CHRNA4: variants seen among roughly 807,000 people sequenced by gnomAD.
The protein encoded by CHRNA4 is cholinergic receptor nicotinic alpha 4 subunit, also known as neuronal acetylcholine receptor subunit alpha-4.
CHRNA4 carries 28 observed loss-of-function variants against 48.9 expected under a neutral mutation model. The ratio of observed to expected loss-of-function variants is 0.57; its 90% CI spans 0.42 to 0.79. The LOEUF is 0.79. Among genes scored for constraint, CHRNA4 ranks in the 30% least tolerant of loss-of-function variants. CHRNA4 has a pLI of 0.00. For missense variants in CHRNA4, 859 were observed against 898.4 expected (o/e 0.96, Z 0.56); for synonymous variants, 425 against 402.3 (o/e 1.06, Z -0.68).
intron 1 of CHRNA4, chr20:63,359,903 G>GTGTGTGTGTGTGTGCCGGGCGTGCGC (rs1555840803): frequency 0.15 from 66,141 of 434,546 alleles, 4,636 homozygotes; most frequent in East Asian, 0.32. Flanking sequence ...TGTGCTGTGT[G>GTGTGTGTGTGTGTGCCGGGCGTGCGC]TGTGTGTGTG....
chr20:63,352,527 G>A lies in CHRNA4; in HGVS notation c.384-1500C>T, dbSNP rs775424903. On this transcript the variant is annotated intron_variant, in intron 4 of 5. Coordinates refer to ENST00000370263, the MANE Select transcript of CHRNA4 (RefSeq NM_000744.7). ...TCCGGCCCAGCACAGCCTGGCTCCC[G>A]AGCGTCCCTCCAGCGGGGGGCGGGG... is the stretch of plus-strand genomic sequence containing the variant. Among the ~76,000 whole-genome samples, 19 of 152,288 alleles carry A rather than the reference G, an allele frequency of 1.2e-4. No homozygotes were observed. In the East Asian group the frequency reaches 2.9e-3, roughly 23 times the overall value.
Position 63,356,068 on chromosome 20 carries a change from T to C in CHRNA4, c.290A>G (p.Lys97Arg), listed in dbSNP as rs764421351. ...ATAGTCAGCTGGGTCCCAGCGCAGC[T>C]TGTAGTCGTGCCACTCCTGGATGAG... ...VWVKQEWHDYKLRWDPADYEN... is the reference protein window; with the variant it reads ...VWVKQEWHDYRLRWDPADYEN... The change falls in exon 4 of 6, where the codon AAG becomes AGG. Residue 97 changes from lysine to arginine, a missense_variant. Transcript: ENST00000370263. 1 of 1,596,276 alleles carries C rather than the reference T, an allele frequency of 6.3e-7. No homozygotes were observed. The highest frequency in any genetic ancestry group is 8.5e-7 in the Non-Finnish European group (1 of 1,174,330).
intron 5 of CHRNA4, among the ~76,000 whole-genome samples, chr20:63,349,133 C>T (rs1301772882): frequency 6.6e-6 from 1 of 152,158 alleles, no homozygotes; most frequent in Non-Finnish European, 1.5e-5. Context: ...GGAGCTGTGT[C>T]CCTGTCCCAG....
At chr20:63,360,586 G>A (rs929007464) in intron 1 of CHRNA4, among the ~76,000 whole-genome samples, 68 of 152,120 alleles carry the variant, frequency 4.5e-4, no homozygotes, top group African/African-American at 1.6e-3. Context: ...TCGGGGAGGG[G>A]GAGGGGTCAG....
At chr20:63,356,869 C>T (rs2068726059) in intron 2 of CHRNA4, among the ~76,000 whole-genome samples, 1 of 152,180 alleles carries the variant, frequency 6.6e-6, no homozygotes, top group Non-Finnish European at 1.5e-5. Context: ...GACTGTGCCT[C>T]ATGACCTGAG....
At chr20:63,358,586 T>C (rs1860152829) in intron 2 of CHRNA4, among the ~76,000 whole-genome samples, 1 of 152,178 alleles carries the variant, frequency 6.6e-6, no homozygotes, top group African/African-American at 2.4e-5. Context: ...GCTGGCGGAC[T>C]TCAGTGTGGA....
chr20:63,358,167 T>A (rs2145405856), intron 2 of CHRNA4, among the ~76,000 whole-genome samples: 1 of 152,244 alleles, frequency 6.6e-6, no homozygotes, highest in African/African-American at 2.4e-5. Context: ...TCCAGGACAC[T>A]GAGGCTGGAG....
At chr20:63,349,025 C>T (rs369932010) in intron 5 of CHRNA4, among the ~76,000 whole-genome samples, 15 of 152,218 alleles carry the variant, frequency 9.9e-5, no homozygotes, top group African/African-American at 2.4e-4. Context: ...GGGCTGGCCC[C>T]GGGCCCCGGG....
Position 63,344,221 on chromosome 20 carries a change from A to G in CHRNA4, c.*2517T>C, listed in dbSNP as rs201245835. ...AAGAAGCCAGACATCAAAGGCTCCAACTGCAGGATTCTGACTCCTCGAAGG... is the reference window on the plus strand; with the variant it reads ...AAGAAGCCAGACATCAAAGGCTCCAGCTGCAGGATTCTGACTCCTCGAAGG... On this transcript the variant is annotated 3_prime_UTR_variant, in exon 6 of 6. Transcript: ENST00000370263. The surrounding 1 kb of genome is among the most constrained non-coding windows in gnomAD (Gnocchi z 4.5). The G allele has an allele frequency of 7.0e-5, 32 of 453,908 alleles. No homozygotes were observed. Among genetic ancestry groups the G allele is most frequent in the South Asian group, 4.7e-4 (30 of 64,474 alleles). The allele number at this position is 453,908 out of a possible 1,614,324, so 28.1% of individuals were successfully genotyped here.
At chr20:63,348,993 G>A (rs2068539258) in intron 5 of CHRNA4, among the ~76,000 whole-genome samples, 1 of 152,190 alleles carries the variant, frequency 6.6e-6, no homozygotes, top group Non-Finnish European at 1.5e-5. Flanking sequence ...CCAGTGCCTG[G>A]CGCTGGAGGG....
chr20:63,357,148 G>A (rs2068733032), intron 2 of CHRNA4, among the ~76,000 whole-genome samples: 3 of 106,430 alleles, frequency 2.8e-5, no homozygotes, highest in Non-Finnish European at 5.6e-5. Context: ...TGTCCCCACA[G>A]GACCACGTCT....
rs543428784 is a variant in CHRNA4, at chr20:63,359,470, C to G, written c.228+78G>C. 157 of 1,577,272 alleles carry G rather than the reference C, an allele frequency of 1.0e-4. 1 individual carries two copies. Among genetic ancestry groups the G allele is most frequent in the Non-Finnish European group, 1.3e-4 (149 of 1,152,970 alleles). On this transcript the variant is annotated intron_variant, in intron 2 of 5. Transcript: ENST00000370263. ...CACGGGGAGTGTTGATGGCTGTGTCCCCTCTGCCCACCCAGACCCCTGTGC... is the reference window on the plus strand; with the variant it reads ...CACGGGGAGTGTTGATGGCTGTGTCGCCTCTGCCCACCCAGACCCCTGTGC...
chr20:63,347,904 C>T lies in CHRNA4; in HGVS notation c.1759-1041G>A, dbSNP rs751542527. 6.6e-5 allele frequency among the ~76,000 whole-genome samples: 10 copies of T among 152,240 alleles called. No individual in the cohort carries two copies. The East Asian group carries it at 9.6e-4, about 15-fold the overall frequency. On this transcript the variant is annotated intron_variant, in intron 5 of 5. Transcript: ENST00000370263. ...CTGATGGTGTTAAACTGAACCAAAA[C>T]GGCCGCATTTATCTACGGGAAGCCT...
At position 63,353,195 on chromosome 20, in the gene CHRNA4, C is replaced by T. The variant is rs1014972887; in HGVS notation, c.384-2168G>A. 6.6e-5 allele frequency among the ~76,000 whole-genome samples: 10 copies of T among 152,346 alleles called. No individual in the cohort carries two copies. In the South Asian group the frequency reaches 2.1e-3, roughly 32 times the overall value. ...AAATCCCAGAGAAGGGCCGAGGCCT[C>T]CCACCCTGCAGCCTGGCCGGCCACC... is the stretch of plus-strand genomic sequence containing the variant. On this transcript the variant is annotated intron_variant, in intron 4 of 5. Coordinates refer to ENST00000370263, the MANE Select transcript of CHRNA4 (RefSeq NM_000744.7).
rs762808071 is a variant in CHRNA4 at position 63,349,753 on chromosome 20, G to A, written c.1658C>T (p.Ala553Val). 1.3e-5 allele frequency: 21 copies of A among 1,611,910 alleles called. No homozygotes were observed. The highest frequency in any genetic ancestry group is 1.7e-5 in the Admixed American group (1 of 59,958). Residue 553 changes from alanine (A) to valine (V), a missense_variant, in exon 5 of 6, where the codon GCG becomes GTG. Physicochemically the swap from Ala to Val is moderately conservative, Grantham distance 64. Transcript: ENST00000370263. ...SATVKTRSTK[A>V]PPPHLPLSPA... Reference sequence around the variant, plus strand: ...CGACAGGGGCAGGTGCGGGGGCGGCGCTTTGGTGCTGCGGGTCTTGACCGT... The same window carrying A: ...CGACAGGGGCAGGTGCGGGGGCGGCACTTTGGTGCTGCGGGTCTTGACCGT...
intron 4 of CHRNA4, among the ~76,000 whole-genome samples, chr20:63,355,123 C>T (rs984648042): frequency 1.3e-5 from 2 of 152,278 alleles, no homozygotes; most frequent in African/African-American, 2.4e-5. Context: ...GGAGCTGTGA[C>T]CCTGCCACAC....
At chr20:63,356,448 C>A (rs965358021) in intron 2 of CHRNA4, 33 bp from the exon 3 acceptor site, 26 of 1,579,352 alleles carry the variant, frequency 1.6e-5, no homozygotes, top group Non-Finnish European at 2.2e-5. Flanking sequence ...GGGCCAGTGA[C>A]CCCTTGGTGT....
At chr20:63,348,667 A>G (rs1170580167) in intron 5 of CHRNA4, among the ~76,000 whole-genome samples, 1 of 152,162 alleles carries the variant, frequency 6.6e-6, no homozygotes, top group Non-Finnish European at 1.5e-5. Context: ...AGGTGGATGG[A>G]CAGGACAGAT....
At chr20:63,361,010 C>A in intron 1 of CHRNA4, 80 bp downstream of exon 1, 1 of 1,175,210 alleles carries the variant, frequency 8.5e-7, no homozygotes, top group East Asian at 3.2e-5. Flanking sequence ...CAGTCAGGAG[C>A]CTGCCTCCCT....
Sources: allele counts gnomAD v4.1 joint callset (sites outside exome capture counted in the v4.1 genomes callset), GRCh38; gene constraint gnomAD v4.1.1; non-coding constraint Gnocchi (gnomAD v3.1); transcripts MANE v1.5; gene names NCBI Gene and HGNC (gene_info 2026-07-23, HGNC 2026-07-21).